Variants in KCTD16 observed in about 807,000 individuals in gnomAD.
KCTD16 encodes BTB/POZ domain-containing protein KCTD16.
Under a neutral mutation model 33.2 loss-of-function variants are expected in KCTD16, and 13 were observed. The observed-to-expected ratio is 0.39, with a 90% CI of 0.25 to 0.62. KCTD16 has a LOEUF of 0.62. Ranked by LOEUF, KCTD16 falls within the 20% of genes least tolerant of loss-of-function variation. The pLI, the probability that KCTD16 is intolerant of heterozygous loss-of-function variation, is 0.50. For synonymous variants in KCTD16, 197 were observed against 195.3 expected (o/e 1.01, Z -0.07); for missense variants, 441 against 525.1 (o/e 0.84, Z 1.57).
At chr5:144,200,748 T>G (rs1023598809) in intron 2 of KCTD16, among the ~76,000 whole-genome samples, 2 of 152,316 alleles carry the variant, frequency 1.3e-5, no homozygotes, top group East Asian at 3.9e-4. Context: ...TAACTTTGTT[T>G]TCTTTTTGAG....
At chr5:144,295,897 A>G (rs1580851608) in intron 3 of KCTD16, among the ~76,000 whole-genome samples, 5 of 152,320 alleles carry the variant, frequency 3.3e-5, no homozygotes, top group Admixed American at 2.6e-4. Flanking sequence ...AAGGCAAGGA[A>G]ATGAACTCTC....
At chr5:144,339,439 C>G (rs116778607) in intron 3 of KCTD16, among the ~76,000 whole-genome samples, 1,934 of 152,276 alleles carry the variant, frequency 0.013, 39 homozygotes, top group African/African-American at 0.044. Context: ...CTTTCTTTCT[C>G]TCTCTGCCCT....
rs546711651 is a variant in KCTD16 at position 144,195,938 on chromosome 5, C to A, written c.-326-10451C>A. ...TTCTCTTAACAGCAGTCATCACTTT[C>A]TCCTGTGTGCCAGTTGTCTCCAAGT... On this transcript the variant is annotated intron_variant, in intron 2 of 3. Transcript: ENST00000512467. Among the ~76,000 whole-genome samples, 14 of 152,304 alleles carry A rather than the reference C, an allele frequency of 9.2e-5. No homozygotes were observed. In the South Asian group the frequency reaches 2.9e-3, roughly 32 times the overall value.
intron 3 of KCTD16, among the ~76,000 whole-genome samples, chr5:144,220,560 T>G (rs1021259480): frequency 7.0e-6 from 1 of 142,466 alleles, no homozygotes; most frequent in African/African-American, 2.5e-5. Context: ...ATATGTATAT[T>G]TATGTGTGTG....
chr5:144,317,546 G>T lies in KCTD16; in HGVS notation c.832+110000G>T, dbSNP rs572854841. Among the ~76,000 whole-genome samples, 13 of 152,252 alleles carry T rather than the reference G, an allele frequency of 8.5e-5. No individual in the cohort carries two copies. In the South Asian group the frequency reaches 2.7e-3, roughly 32 times the overall value. On this transcript the variant is annotated intron_variant, in intron 3 of 3. Coordinates refer to ENST00000512467, the MANE Select transcript of KCTD16 (RefSeq NM_020768.4). ...CCAAACTTCTTAATGTGGTCTATAAGGTGCCATATAAGCTGGCCCTGCCCC... is the reference window on the plus strand; with the variant it reads ...CCAAACTTCTTAATGTGGTCTATAATGTGCCATATAAGCTGGCCCTGCCCC...
chr5:144,402,972 C>T (rs2126947595), intron 3 of KCTD16, among the ~76,000 whole-genome samples: 1 of 152,280 alleles, frequency 6.6e-6, no homozygotes, highest in South Asian at 2.1e-4. Flanking sequence ...AGAGAAGAAT[C>T]TGTCTTTACT....
At chr5:144,318,210 G>A (rs767455781) in intron 3 of KCTD16, among the ~76,000 whole-genome samples, 2 of 152,106 alleles carry the variant, frequency 1.3e-5, no homozygotes, top group Admixed American at 6.6e-5. Context: ...AACCCCGAGC[G>A]GCCTGTTCAA....
At chr5:144,330,616 C>T (rs1034199206) in intron 3 of KCTD16, among the ~76,000 whole-genome samples, 3 of 151,722 alleles carry the variant, frequency 2.0e-5, no homozygotes, top group Non-Finnish European at 2.9e-5. Context: ...AATAATAATA[C>T]TAGATAATAT....
At chr5:144,423,870 A>G (rs1753264589) in intron 3 of KCTD16, among the ~76,000 whole-genome samples, 1 of 152,142 alleles carries the variant, frequency 6.6e-6, no homozygotes, top group Non-Finnish European at 1.5e-5. Context: ...CCTAGGCCAC[A>G]TTGGAAAAAG....
chr5:144,445,997 C>T (rs1753810116), intron 3 of KCTD16, among the ~76,000 whole-genome samples: 1 of 151,916 alleles, frequency 6.6e-6, no homozygotes, highest in Non-Finnish European at 1.5e-5. Flanking sequence ...GTCCTATTCT[C>T]AAGTGCTTTA....
chr5:144,206,461 T>C lies in KCTD16; in HGVS notation c.-254T>C, dbSNP rs538956632. ...TGATGGAAGATTGGATATAGACGAGTTGATTATATTTTATGAAGTAGCAGC... is the reference window on the plus strand; with the variant it reads ...TGATGGAAGATTGGATATAGACGAGCTGATTATATTTTATGAAGTAGCAGC... On this transcript the variant is annotated 5_prime_UTR_variant, in exon 3 of 4. Coordinates refer to ENST00000512467, the MANE Select transcript of KCTD16 (RefSeq NM_020768.4). 6.9e-5 allele frequency: 28 copies of C among 408,410 alleles called. No individual in the cohort carries two copies. Among genetic ancestry groups the C allele is most frequent in the African/African-American group, 4.8e-4 (24 of 49,726 alleles). 25.3% of individuals were successfully genotyped at this position (408,410 alleles called of 1,614,324 possible).
intron 3 of KCTD16, chr5:144,439,335 T>G (rs1753648901): frequency 2.0e-6 from 1 of 502,654 alleles, no homozygotes; most frequent in Admixed American, 2.2e-5. Flanking sequence ...GGAGGAATCT[T>G]GGAGTTCAGC....
At chr5:144,180,447 A>AAAAC (rs762896152) in intron 2 of KCTD16, among the ~76,000 whole-genome samples, 9 of 152,210 alleles carry the variant, frequency 5.9e-5, no homozygotes, top group Non-Finnish European at 1.0e-4. Flanking sequence ...CTTGTAAAGA[A>AAAAC]AAACAAACAA....
intron 3 of KCTD16, among the ~76,000 whole-genome samples, chr5:144,433,726 C>G (rs549557944): frequency 1.4e-4 from 22 of 152,266 alleles, no homozygotes; most frequent in South Asian, 1.2e-3. Flanking sequence ...CCCCTTGTTC[C>G]TTCTTACATG....
chr5:144,403,729 G>A (rs1752754677), intron 3 of KCTD16, among the ~76,000 whole-genome samples: 1 of 152,170 alleles, frequency 6.6e-6, no homozygotes. Context: ...ATTAGAACAT[G>A]GGCATCTTTG....
intron 3 of KCTD16, among the ~76,000 whole-genome samples, chr5:144,247,863 C>G (rs991625393): frequency 9.2e-5 from 14 of 152,208 alleles, no homozygotes; most frequent in Non-Finnish European, 2.1e-4. Context: ...TCCTACTTCT[C>G]TAATTTTCCC....
intron 3 of KCTD16, among the ~76,000 whole-genome samples, chr5:144,299,909 A>C (rs541270790): frequency 0.04 from 5,841 of 145,522 alleles, 140 homozygotes; most frequent in Non-Finnish European, 0.05. Flanking sequence ...AAAAAAAAAA[A>C]AAAAAACAAA....
intron 3 of KCTD16, among the ~76,000 whole-genome samples, chr5:144,444,616 C>T (rs927886930): frequency 1.3e-5 from 2 of 151,806 alleles, no homozygotes; most frequent in East Asian, 1.9e-4. Context: ...AGATACAAAA[C>T]CCTTAGCTTC....
rs1756160765 is a variant in KCTD16, at chr5:144,299,127, TA to T, written c.832+91582del. On this transcript the variant is annotated intron_variant, in intron 3 of 3. Transcript: ENST00000512467. ...ATATATATATATATATATATATATA[TA>T]TATATATATATATATATATATTTTT... Among the ~76,000 whole-genome samples, 18 of 26,170 alleles carry T rather than the reference TA, an allele frequency of 6.9e-4. 2 individuals carry two copies. Among genetic ancestry groups the T allele is most frequent in the African/African-American group, 4.2e-3 (12 of 2,882 alleles). 17.2% of individuals were successfully genotyped at this position (26,170 alleles called of 152,430 possible). A position where few individuals can be genotyped will look rare whatever the true frequency, so the allele number is the denominator to read the frequency against.
Sources: gnomAD v4.1 joint callset for allele counts (sites outside exome capture counted in the v4.1 genomes callset) on GRCh38, gnomAD v4.1.1 for gene constraint, MANE v1.5 for transcripts, NCBI Gene and HGNC (gene_info 2026-07-23, HGNC 2026-07-21) for gene names.